The following TTC23L variants were observed in gnomAD, a reference collection of about 807,000 sequenced individuals.
TTC23L encodes the protein tetratricopeptide repeat protein 23-like.
Under a neutral mutation model 48.1 loss-of-function variants are expected in TTC23L, and 42 were observed. The observed-to-expected ratio is 0.87, with a 90% CI of 0.68 to 1.13. The LOEUF is 1.13. TTC23L is among the 50% of genes most tolerant of loss of function. The pLI, the probability that TTC23L is intolerant of heterozygous loss-of-function variation, is 0.00. For synonymous variants in TTC23L, 159 were observed against 157.2 expected (o/e 1.01, Z -0.09); for missense variants, 391 against 421.0 (o/e 0.93, Z 0.62).
At chr5:34,841,241 A>G (rs113491778) in intron 2 of TTC23L, among the ~76,000 whole-genome samples, 4,700 of 152,298 alleles carry the variant, frequency 0.031, 243 homozygotes, top group African/African-American at 0.11. Context: ...AGAGTTAGCT[A>G]TAACAAAGTT....
chr5:34,859,718 A>G (rs1760424534), intron 4 of TTC23L, among the ~76,000 whole-genome samples: 1 of 151,928 alleles, frequency 6.6e-6, no homozygotes, highest in Admixed American at 6.5e-5. Flanking sequence ...TTCTTTATAA[A>G]TTACCTGGTC....
chr5:34,899,791 C>T (rs1313467352), downstream of TTC23L, among the ~76,000 whole-genome samples: 2 of 152,130 alleles, frequency 1.3e-5, no homozygotes, highest in African/African-American at 2.4e-5. Context: ...ACTCGGGAGG[C>T]TGAGGCAGAA....
In TTC23L at chr5:34,850,300, C is replaced by T. The variant is rs1370175162; in HGVS notation, c.371C>T (p.Thr124Ile). 3.1e-6 allele frequency: 5 copies of T among 1,613,552 alleles called. No homozygotes were observed. The Admixed American group carries it at 6.7e-5, about 22-fold the overall frequency. Reference sequence around the variant, plus strand: ...GCCAACCTAGCTTATGGCTACTTGACACTGAGAGGTACTTGGTTTTCCCAG... The same window carrying T: ...GCCAACCTAGCTTATGGCTACTTGATACTGAGAGGTACTTGGTTTTCCCAG... Residue 124 changes from threonine to isoleucine, a missense_variant, in exon 4 of 11, where the codon ACA becomes ATA. Physicochemically the swap from Thr to Ile is moderately conservative, Grantham distance 89. Coordinates refer to ENST00000505624, the Ensembl canonical transcript of TTC23L.
chr5:34,911,095 A>T, the TTC23L span, among the ~76,000 whole-genome samples: 3 of 152,308 alleles, frequency 2.0e-5, no homozygotes, highest in African/African-American at 7.2e-5. Context: ...TCTTCCCACA[A>T]TGCTTAATAA....
chr5:34,922,299 T>C, the TTC23L span: 1 of 1,507,634 alleles, frequency 6.6e-7, no homozygotes, highest in Admixed American at 1.8e-5. Context: ...TAAGAGAATG[T>C]ATTAAGATTT....
chr5:34,862,517 G>C (rs1760751816), intron 4 of TTC23L, among the ~76,000 whole-genome samples: 1 of 152,092 alleles, frequency 6.6e-6, no homozygotes, highest in African/African-American at 2.4e-5. Flanking sequence ...GGGTTGAAAA[G>C]GTCACATGGC....
At chr5:34,894,525 T>C (rs7707427) in intron 9 of TTC23L, among the ~76,000 whole-genome samples, 46,161 of 152,132 alleles carry the variant, frequency 0.3, 8,674 homozygotes, top group Non-Finnish European at 0.42. Context: ...ATGGAGGACT[T>C]TCAAATTCTA....
chr5:34,858,157 T>A (rs1026208006), intron 4 of TTC23L, among the ~76,000 whole-genome samples: 1 of 152,228 alleles, frequency 6.6e-6, no homozygotes, highest in Non-Finnish European at 1.5e-5. Context: ...TTGCTGCCCC[T>A]CTGCCTTGTA....
intron 8 of TTC23L, among the ~76,000 whole-genome samples, chr5:34,870,978 C>A (rs185562627): frequency 1.1e-3 from 173 of 152,212 alleles, no homozygotes; most frequent in African/African-American, 4.0e-3. Flanking sequence ...AGGCATATAC[C>A]AAAAACCCTG....
chr5:34,857,821 TC>T (rs1760250948), intron 4 of TTC23L, among the ~76,000 whole-genome samples: 1 of 152,180 alleles, frequency 6.6e-6, no homozygotes, highest in East Asian at 1.9e-4. Context: ...ATAAGGATGT[TC>T]AAGTCATAAT....
intron 4 of TTC23L, among the ~76,000 whole-genome samples, chr5:34,850,529 A>G (rs1759590366): frequency 6.6e-6 from 1 of 152,236 alleles, no homozygotes; most frequent in Admixed American, 6.5e-5. Context: ...AGCATGTGCC[A>G]AACTGGTCTC....
At chr5:34,883,808 G>A (rs1403665691) in intron 9 of TTC23L, among the ~76,000 whole-genome samples, 1 of 152,106 alleles carries the variant, frequency 6.6e-6, no homozygotes, top group South Asian at 2.1e-4. Flanking sequence ...TGGCTTCATT[G>A]GTGAATTCTA....
At chr5:34,897,413 A>C in intron 10 of TTC23L, among the ~76,000 whole-genome samples, 1 of 133,694 alleles carries the variant, frequency 7.5e-6, no homozygotes, top group Non-Finnish European at 1.7e-5. Flanking sequence ...ATTAAACATT[A>C]AAAAAAATAC....
chr5:34,887,764 A>G (rs1762627867), intron 9 of TTC23L, among the ~76,000 whole-genome samples: 1 of 152,202 alleles, frequency 6.6e-6, no homozygotes, highest in Non-Finnish European at 1.5e-5. Context: ...GATTCAGCCA[A>G]ATAATTGTAT....
At chr5:34,925,501 T>C in the TTC23L span, 4 of 1,601,000 alleles carry the variant, frequency 2.5e-6, no homozygotes, top group Admixed American at 5.2e-5. Context: ...AATAAGTCAA[T>C]GGAAACCTGA....
the TTC23L span, chr5:34,909,021 A>C: frequency 7.6e-7 from 1 of 1,317,710 alleles, no homozygotes; most frequent in East Asian, 2.3e-5. Flanking sequence ...GTAAAGGATA[A>C]AAAGTAGCAA....
At chr5:34,904,907 C>A in the TTC23L span, among the ~76,000 whole-genome samples, 1 of 152,208 alleles carries the variant, frequency 6.6e-6, no homozygotes, top group Non-Finnish European at 1.5e-5. Flanking sequence ...AGTAAGTTCA[C>A]ATATCCTGAA....
chr5:34,916,044 T>C, the TTC23L span: 1 of 941,164 alleles, frequency 1.1e-6, no homozygotes, highest in Non-Finnish European at 1.5e-6. Context: ...CCGGCCAGAC[T>C]GGGCACGGAG....
In TTC23L at chr5:34,862,989, G is replaced by A. The variant is rs571614688; in HGVS notation, c.471G>A (p.Glu157=). The change falls in exon 5 of 11, where the codon GAG becomes GAA. Residue 157 remains glutamate (E), a synonymous_variant. Coordinates refer to ENST00000505624, the Ensembl canonical transcript of TTC23L. ...ATACGACCTCAAATAAGGAGAAAGA[G>A]GAAATCCTGGAAGCTCTGGTCAAGC... The A allele has an allele frequency of 3.3e-5, 54 of 1,614,022 alleles. No individual in the cohort carries two copies. In the Admixed American group the frequency reaches 8.8e-4, roughly 26 times the overall value.
Sources: gnomAD v4.1 joint callset for allele counts (sites outside exome capture counted in the v4.1 genomes callset) on GRCh38, gnomAD v4.1.1 for gene constraint, MANE v1.5 for transcripts, NCBI Gene and HGNC (gene_info 2026-07-23, HGNC 2026-07-21) for gene names.